SCAPER: variants seen among roughly 807,000 people sequenced by gnomAD.
The protein encoded by SCAPER is S phase cyclin A-associated protein in the endoplasmic reticulum.
Under a neutral mutation model 182.2 loss-of-function variants are expected in SCAPER, and 98 were observed. The observed-to-expected ratio is 0.54, with a 90% CI of 0.46 to 0.64. SCAPER has a LOEUF of 0.64. SCAPER is among the 30% of genes least tolerant of loss of function. The probability of loss-of-function intolerance (pLI) is 0.00; values close to 1 mark genes in which losing one functional copy is unlikely to be tolerated. For synonymous variants in SCAPER, 605 were observed against 564.6 expected (o/e 1.07, Z -1.01); for missense variants, 1,432 against 1,690.0 (o/e 0.85, Z 2.68).
chr15:76,701,095 T>A (rs375999950), intron 20 of SCAPER, among the ~76,000 whole-genome samples: 64 of 143,676 alleles, frequency 4.5e-4, no homozygotes, highest in African/African-American at 1.3e-3. Context: ...ATGCCATACC[T>A]AAAAAAAAAA....
intron 23 of SCAPER, among the ~76,000 whole-genome samples, chr15:76,509,184 G>T (rs1192686953): frequency 1.3e-5 from 2 of 152,120 alleles, no homozygotes; most frequent in African/African-American, 4.8e-5. Context: ...GGATGGAGAA[G>T]CTCCTAGCAA....
intron 22 of SCAPER, among the ~76,000 whole-genome samples, chr15:76,604,702 T>C (rs979995736): frequency 6.6e-5 from 10 of 152,160 alleles, no homozygotes; most frequent in Non-Finnish European, 7.3e-5. Context: ...TTTATTTCAC[T>C]GAGCAGTGGT....
At chr15:76,403,856 G>A (rs1294812903) in intron 27 of SCAPER, among the ~76,000 whole-genome samples, 2 of 152,138 alleles carry the variant, frequency 1.3e-5, no homozygotes, top group Non-Finnish European at 2.9e-5. Context: ...AAGACCCAGA[G>A]GGTTACTTGT....
chr15:76,698,925 A>C (rs1228298057), intron 20 of SCAPER, among the ~76,000 whole-genome samples: 1 of 152,200 alleles, frequency 6.6e-6, no homozygotes, highest in Non-Finnish European at 1.5e-5. Context: ...TGTTTGTGTT[A>C]TCTCTGGTAT....
Position 76,883,992 on chromosome 15 carries a change from G to C in SCAPER, c.-59-116C>G, listed in dbSNP as rs547715522. On this transcript the variant is annotated intron_variant, in intron 1 of 31. Coordinates refer to ENST00000563290, the MANE Select transcript of SCAPER (RefSeq NM_020843.4). The stretch of plus-strand genomic sequence containing the variant: ...ACATTAAACAACAACAAAAAAAACT[G>C]CTCCTTTATATTACCTGTTGGGGTA... The C allele has an allele frequency of 5.4e-6, 3 of 559,624 alleles. No homozygotes were observed. The African/African-American group carries it at 6.0e-5, about 11-fold the overall frequency. The allele number at this position is 559,624 out of a possible 1,614,324, so 34.7% of individuals were successfully genotyped here.
intron 21 of SCAPER, among the ~76,000 whole-genome samples, chr15:76,642,575 A>G (rs1475508560): frequency 6.6e-6 from 1 of 152,188 alleles, no homozygotes; most frequent in Non-Finnish European, 1.5e-5. Context: ...GATCAGTAAA[A>G]TAACCTGCTA....
intron 2 of SCAPER, among the ~76,000 whole-genome samples, chr15:76,876,345 C>T (rs2073161626): frequency 6.6e-6 from 1 of 151,062 alleles, no homozygotes; most frequent in African/African-American, 2.4e-5. Context: ...TGAGCGAGGG[C>T]TGCGAGGGCT....
At chr15:76,717,115 GGATGACATATTCAAAAT>G (rs2059928987) in intron 17 of SCAPER, among the ~76,000 whole-genome samples, 1 of 148,506 alleles carries the variant, frequency 6.7e-6, no homozygotes, top group African/African-American at 2.5e-5. Context: ...CTGGAGAATG[GGATGACATATTCAAAAT>G]GATGAAAGGG....
intron 4 of SCAPER, chr15:76,855,669 A>C (rs1023199814): frequency 5.7e-6 from 1 of 174,640 alleles, no homozygotes; most frequent in Non-Finnish European, 1.3e-5. Context: ...TATGAAAAAA[A>C]GCTCAGTATC....
chr15:76,628,739 T>G (rs976810794), intron 21 of SCAPER, among the ~76,000 whole-genome samples: 6 of 152,368 alleles, frequency 3.9e-5, no homozygotes, highest in African/African-American at 1.4e-4. Context: ...AGCTTATGAT[T>G]GTCTTGGCTA....
chr15:76,472,464 T>A (rs1035789696), intron 24 of SCAPER: 1 of 456,514 alleles, frequency 2.2e-6, no homozygotes, highest in Admixed American at 2.7e-5. Context: ...TTTGTTTTAC[T>A]TTTTTTTACT....
intron 17 of SCAPER, among the ~76,000 whole-genome samples, chr15:76,727,095 A>C (rs1486521154): frequency 2.0e-5 from 3 of 152,102 alleles, no homozygotes; most frequent in African/African-American, 7.2e-5. Flanking sequence ...AAGTTTGATG[A>C]AAGGATATAA....
intron 6 of SCAPER, 38 bp downstream of exon 6, chr15:76,804,495 C>T: frequency 7.3e-7 from 1 of 1,376,220 alleles, no homozygotes; most frequent in Non-Finnish European, 1.0e-6. Flanking sequence ...ATTGAAACTG[C>T]TGGATGATAG....
chr15:76,841,635 A>G (rs2069491768), intron 5 of SCAPER, 99 bp downstream of exon 5: 2 of 1,262,596 alleles, frequency 1.6e-6, no homozygotes, highest in Non-Finnish European at 2.2e-6. Flanking sequence ...CGACAGAGCA[A>G]AACTCCATCT....
intron 23 of SCAPER, among the ~76,000 whole-genome samples, chr15:76,506,902 A>T (rs2041630268): frequency 6.6e-6 from 1 of 152,232 alleles, no homozygotes. Context: ...CGATCTGTAT[A>T]TAATTCTTGT....
chr15:76,420,461 A>G (rs1478669603), intron 26 of SCAPER, among the ~76,000 whole-genome samples: 5 of 151,976 alleles, frequency 3.3e-5, no homozygotes, highest in African/African-American at 1.2e-4. Flanking sequence ...CAGGATACAA[A>G]AATCAACATA....
intron 22 of SCAPER, among the ~76,000 whole-genome samples, chr15:76,605,135 T>C (rs1215165852): frequency 6.6e-6 from 1 of 152,214 alleles, no homozygotes; most frequent in Admixed American, 6.5e-5. Flanking sequence ...TTTTTGCTCA[T>C]TCCGTATGAT....
chr15:76,593,984 T>C lies in SCAPER; in HGVS notation c.2712-19700A>G, dbSNP rs186255204. Among the ~76,000 whole-genome samples, 10 of 120,490 alleles carry C rather than the reference T, an allele frequency of 8.3e-5. 1 individual carries two copies. The highest frequency in any genetic ancestry group is 2.5e-4 in the African/African-American group (10 of 39,586). 79.0% of individuals were successfully genotyped at this position (120,490 alleles called of 152,430 possible). On this transcript the variant is annotated intron_variant, in intron 22 of 31. Coordinates refer to ENST00000563290, the MANE Select transcript of SCAPER (RefSeq NM_020843.4). ...CTGGATGGAGAATGAGTTTGACAAATTAACAGAAGTAGGCTTCAGAAGGTG... is the reference window on the plus strand; with the variant it reads ...CTGGATGGAGAATGAGTTTGACAAACTAACAGAAGTAGGCTTCAGAAGGTG...
intron 25 of SCAPER, among the ~76,000 whole-genome samples, chr15:76,446,308 A>C (rs1005870732): frequency 2.6e-5 from 4 of 152,202 alleles, no homozygotes; most frequent in Non-Finnish European, 1.5e-5. Context: ...ATAAAGCACT[A>C]AACAAGCGTG....
Sources: gnomAD v4.1 joint callset for allele counts (sites outside exome capture counted in the v4.1 genomes callset) on GRCh38, gnomAD v4.1.1 for gene constraint, MANE v1.5 for transcripts, NCBI Gene and HGNC (gene_info 2026-07-23, HGNC 2026-07-21) for gene names.